Variants in ZNF469 observed in about 807,000 individuals in gnomAD.
The protein encoded by ZNF469 is zinc finger protein 469.
A neutral mutation model predicts 1.0 loss-of-function variants in ZNF469; 1 was observed. That is an observed-to-expected ratio of 1.00 (90% confidence interval 0.35 to 4.73). The LOEUF is 4.73. ZNF469 is among the 30% of genes most tolerant of loss of function. ZNF469 has a pLI of 0.16. For synonymous variants in ZNF469, 2,703 were observed against 2,363.4 expected (o/e 1.14, Z -4.17); for missense variants, 6,100 against 5,356.3 (o/e 1.14, Z -4.33).
the ZNF469 span, among the ~76,000 whole-genome samples, chr16:88,310,109 G>A: frequency 6.6e-6 from 1 of 152,194 alleles, no homozygotes; most frequent in South Asian, 2.1e-4. Flanking sequence ...GTGGTGCAGT[G>A]GGGGCAGGGA....
chr16:88,338,975 C>A, the ZNF469 span, among the ~76,000 whole-genome samples: 1 of 151,880 alleles, frequency 6.6e-6, no homozygotes, highest in Non-Finnish European at 1.5e-5. Flanking sequence ...GTTCTGGAAG[C>A]CCCAGAGAAC....
At chr16:88,184,609 A>C in the ZNF469 span, among the ~76,000 whole-genome samples, 2 of 151,080 alleles carry the variant, frequency 1.3e-5, no homozygotes, top group South Asian at 2.1e-4. Context: ...TTCAGGGGGG[A>C]AGCTGCAGAG....
At chr16:88,396,078 C>T (rs562800042) in intron 1 of ZNF469, among the ~76,000 whole-genome samples, 3 of 152,352 alleles carry the variant, frequency 2.0e-5, no homozygotes, top group Admixed American at 6.5e-5. Flanking sequence ...CCCTTCTCCC[C>T]GTAATCCCAC....
Position 88,437,510 on chromosome 16 carries a change from C to G in ZNF469, c.10040C>G (p.Pro3347Arg). ...RDCHHCGKRF[P>R]KPFKLQRHLA... ...TGCCACCACTGCGGGAAGCGCTTCC[C>G]CAAGCCCTTCAAGCTGCAGCGCCAC... Residue 3347 changes from proline (P) to arginine (R), a missense_variant, in exon 3 of 3, where the codon CCC (proline) becomes CGC (arginine). By Grantham distance (103) the Pro-to-Arg change is moderately radical. Transcript: ENST00000565624. 6.5e-7 allele frequency: 1 copy of G among 1,542,736 alleles called. No individual in the cohort carries two copies. The highest frequency in any genetic ancestry group is 8.8e-7 in the Non-Finnish European group (1 of 1,141,872).
At position 88,438,153 on chromosome 16, in the gene ZNF469, C is replaced by T. The variant is rs794727258; in HGVS notation, c.10683C>T (p.Ala3561=). The T allele has an allele frequency of 3.9e-6, 6 of 1,550,284 alleles. No homozygotes were observed. Among genetic ancestry groups the T allele is most frequent in the Non-Finnish European group, 4.4e-6 (5 of 1,146,924 alleles). The change falls in exon 3 of 3, where the codon GCC becomes GCT. Residue 3561 remains alanine (A), a synonymous_variant. Transcript: ENST00000565624. ...PPPSLSPFPA[A]LADGRGDCAL... is the part of the protein sequence containing the mutation. ...CGTCTCTGTCTCCCTTCCCAGCTGC[C>T]TTGGCTGATGGCAGAGGAGACTGCG...
the ZNF469 span, among the ~76,000 whole-genome samples, chr16:88,139,279 G>C: frequency 1.3e-5 from 2 of 152,064 alleles, no homozygotes; most frequent in African/African-American, 4.8e-5. Context: ...CCCCTGGCCT[G>C]GGGATGTGAT....
Position 88,431,916 on chromosome 16 carries a change from C to T in ZNF469, c.4446C>T (p.Phe1482=), listed in dbSNP as rs748790994. The change falls in exon 3 of 3, where the codon TTC becomes TTT. Residue 1482 remains phenylalanine, a synonymous_variant. Transcript: ENST00000565624. ...LSANRDSGLP[F]ACADPPQKTV... ...CGAACAGGGACTCCGGTCTGCCGTT[C>T]GCATGTGCCGACCCTCCCCAGAAGA... 1.5e-5 allele frequency: 24 copies of T among 1,549,478 alleles called. No homozygotes were observed. The highest frequency in any genetic ancestry group is 4.1e-5 in the African/African-American group (3 of 73,028).
In ZNF469 at chr16:88,430,012, C is replaced by T; in HGVS notation, c.2542C>T (p.Leu848Phe). Residue 848 changes from leucine (L) to phenylalanine (F), a missense_variant, in exon 3 of 3, where the codon CTC becomes TTC. Transcript: ENST00000565624. Reference sequence around the variant, plus strand: ...GCTGGACAGCCTCATCACAGAGGCGCTCAACGGCATGGAGTACCAGTCGGA... The same window carrying T: ...GCTGGACAGCCTCATCACAGAGGCGTTCAACGGCATGGAGTACCAGTCGGA... ...AKLDSLITEA[L>F]NGMEYQSDNP... 2 of 1,550,376 alleles carry T rather than the reference C, an allele frequency of 1.3e-6. No individual in the cohort carries two copies. Among genetic ancestry groups the T allele is most frequent in the East Asian group, 2.4e-5 (1 of 40,910 alleles).
the ZNF469 span, among the ~76,000 whole-genome samples, chr16:88,127,151 C>T: frequency 4.6e-5 from 7 of 152,094 alleles, no homozygotes; most frequent in Non-Finnish European, 1.0e-4. Flanking sequence ...GATGGATTTG[C>T]TCATTTTTGT....
In ZNF469 at chr16:88,428,196, C is replaced by T. The variant is rs555256402; in HGVS notation, c.726C>T (p.Ser242=). 1.9e-3 allele frequency: 2,996 copies of T among 1,550,298 alleles called. 6 individuals carry two copies. Among genetic ancestry groups the T allele is most frequent in the Middle Eastern group, 3.5e-3 (21 of 5,990 alleles). ...CCTGGCCTCCCGCTGCTGAGAATAG[C>T]TTCCCAGGTGCTAATTTCGGGGTTC... ...ADSWPPAAEN[S]FPGANFGVPP... Residue 242 remains serine, a synonymous_variant, in exon 3 of 3, where the codon AGC becomes AGT. Coordinates refer to ENST00000565624, the MANE Select transcript of ZNF469 (RefSeq NM_001367624.2).
the ZNF469 span, among the ~76,000 whole-genome samples, chr16:88,238,512 A>G: frequency 2.0e-5 from 3 of 152,186 alleles, no homozygotes; most frequent in African/African-American, 7.2e-5. Context: ...GGTAGACCCG[A>G]GGTAGACTGC....
In ZNF469 at chr16:88,430,112, C is replaced by G. The variant is rs1404379068; in HGVS notation, c.2642C>G (p.Ser881Cys). 1.3e-6 allele frequency: 2 copies of G among 1,549,576 alleles called. No homozygotes were observed. Among genetic ancestry groups the G allele is most frequent in the East Asian group, 2.4e-5 (1 of 40,918 alleles). Residue 881 changes from serine to cysteine, a missense_variant, in exon 3 of 3, where the codon TCC (serine) becomes TGC (cysteine). Transcript: ENST00000565624. The stretch of plus-strand genomic sequence containing the variant: ...CCTTCCGGCCCCAGAGGTCCCAGCT[C>G]CGGACACCCCCTTAAGAGCAAGGCG... ...EEPSGPRGPS[S>C]GHPLKSKAGV... is the part of the protein sequence containing the mutation.
chr16:88,384,166 G>A (rs2092532291), intron 1 of ZNF469, among the ~76,000 whole-genome samples: 1 of 152,262 alleles, frequency 6.6e-6, no homozygotes, highest in South Asian at 2.1e-4. Context: ...TACGTCCTGA[G>A]ATCCGTGTTA....
intron 1 of ZNF469, among the ~76,000 whole-genome samples, chr16:88,413,291 C>G (rs1201946454): frequency 2.0e-5 from 3 of 152,116 alleles, no homozygotes; most frequent in East Asian, 3.9e-4. Context: ...CAGTGACACT[C>G]CAGGACAGAC....
chr16:88,177,006 C>G, the ZNF469 span, among the ~76,000 whole-genome samples: 1 of 152,350 alleles, frequency 6.6e-6, no homozygotes, highest in Admixed American at 6.5e-5. The surrounding 1 kb of genome is among the most constrained non-coding windows in gnomAD (Gnocchi z 4.8). Flanking sequence ...TGGGCTTTTC[C>G]CAGGTCATAG....
the ZNF469 span, among the ~76,000 whole-genome samples, chr16:88,315,254 G>A: frequency 3.9e-5 from 6 of 152,178 alleles, no homozygotes; most frequent in Admixed American, 3.3e-4. Flanking sequence ...CTGTGTGGTC[G>A]GAGTGTTGGT....
the ZNF469 span, among the ~76,000 whole-genome samples, chr16:88,135,917 C>T: frequency 2.0e-5 from 3 of 151,884 alleles, no homozygotes; most frequent in African/African-American, 2.4e-5. Flanking sequence ...CCGGCCAACA[C>T]GCCCGGCTAA....
At chr16:88,109,369 A>T in the ZNF469 span, among the ~76,000 whole-genome samples, 1 of 152,186 alleles carries the variant, frequency 6.6e-6, no homozygotes, top group East Asian at 1.9e-4. Flanking sequence ...GAGCCTCTGC[A>T]CCTCCTCCCA....
chr16:88,167,626 G>T, the ZNF469 span, among the ~76,000 whole-genome samples: 2 of 152,160 alleles, frequency 1.3e-5, no homozygotes, highest in Admixed American at 6.5e-5. Context: ...CCAAGGTGGG[G>T]GGCAGGACCC....
Sources: allele counts gnomAD v4.1 joint callset (sites outside exome capture counted in the v4.1 genomes callset), GRCh38; gene constraint gnomAD v4.1.1; non-coding constraint Gnocchi (gnomAD v3.1); transcripts MANE v1.5; gene names NCBI Gene and HGNC (gene_info 2026-07-23, HGNC 2026-07-21).